APEX2: variants seen among roughly 807,000 people sequenced by gnomAD.
APEX2 encodes apurinic/apyrimidinic endodeoxyribonuclease 2, also known as DNA-(apurinic or apyrimidinic site) endonuclease 2.
In APEX2, 4 loss-of-function variants were observed where a neutral mutation model predicts 16.7. The ratio of observed to expected loss-of-function variants is 0.24; its 90% CI spans 0.12 to 0.55. The LOEUF is 0.55. Ranked by LOEUF, APEX2 falls within the 20% of genes least tolerant of loss-of-function variation. The pLI is 0.94. For missense variants in APEX2, 357 were observed against 433.6 expected (o/e 0.82, Z 1.57); for synonymous variants, 181 against 166.9 (o/e 1.08, Z -0.65).
In APEX2 at chrX:55,001,531, ATT is replaced by A. The variant is rs375803683; in HGVS notation, c.158-6_158-5del. ...AGTTTTACCTCTGACTTAATCTTAC[ATT>A]TTTTTTTTCCAGGGGATGCACTGAC... On this transcript the variant is annotated splice_polypyrimidine_tract_variant and intron_variant, in intron 1 of 5. Coordinates refer to ENST00000374987, the MANE Select transcript of APEX2 (RefSeq NM_014481.4). The A allele has an allele frequency of 9.5e-7, 1 of 1,054,314 alleles. No homozygotes were observed. The highest frequency in any genetic ancestry group is 1.3e-6 in the Non-Finnish European group (1 of 783,045). The allele number at this position is 1,054,314 out of a possible 1,213,427, so 86.9% of individuals were successfully genotyped here.
In APEX2 at chrX:55,006,642, A is replaced by G. The variant is rs1274198592; in HGVS notation, c.764A>G (p.Glu255Gly). The G allele has an allele frequency of 6.0e-6, 7 of 1,160,502 alleles. No individual in the cohort carries two copies. The African/African-American group carries it at 1.3e-4, about 21-fold the overall frequency. ...TACCGCTGCTTCCAACCAAAGCAGG[A>G]GGGGGCCTTCACCTGCTGGTCAGCA... is the stretch of plus-strand genomic sequence containing the variant. ...DSYRCFQPKQ[E>G]GAFTCWSAVT... Residue 255 changes from glutamate to glycine, a missense_variant, in exon 6 of 6, where the codon GAG becomes GGG. Transcript: ENST00000374987.
At chrX:55,006,356 C>T (rs1164951188) in intron 5 of APEX2, among the ~76,000 whole-genome samples, 162 bp from the exon 6 acceptor site, 1 of 111,669 alleles carries the variant, frequency 9.0e-6, no homozygotes, top group Non-Finnish European at 1.9e-5. Flanking sequence ...AAATCAGAAT[C>T]CCAGCTCTGC....
At chrX:55,000,690 C>A in intron 1 of APEX2, 111 bp downstream of exon 1, 1 of 910,460 alleles carries the variant, frequency 1.1e-6, no homozygotes, top group African/African-American at 2.0e-5. Flanking sequence ...GAGTCCTGTC[C>A]TTAGACCCAG....
In APEX2 at chrX:55,007,272, G is replaced by A. The variant is rs374342631; in HGVS notation, c.1394G>A (p.Arg465His). 166 of 1,210,641 alleles carry A rather than the reference G, an allele frequency of 1.4e-4. No homozygotes were observed. The highest frequency in any genetic ancestry group is 1.8e-4 in the Non-Finnish European group (158 of 895,292). Residue 465 changes from arginine to histidine, a missense_variant, in exon 6 of 6, where the codon CGC becomes CAC. Transcript: ENST00000374987. ...FWKSVLAGPL[R>H]TPLCGGHREP... is the part of the protein sequence containing the mutation. ...AAGTCTGTGCTGGCGGGGCCCTTGC[G>A]CACACCCCTCTGTGGGGGCCACAGG...
intron 2 of APEX2, among the ~76,000 whole-genome samples, chrX:55,001,905 C>T (rs1348489532): frequency 1.8e-5 from 2 of 108,940 alleles, no homozygotes; most frequent in African/African-American, 7.1e-5. Context: ...TGTGCACCCT[C>T]TGGCAAGTTA....
rs772380855 is a variant in APEX2 at position 55,007,744 on chromosome X, CATAA to C, written c.*315_*318del. The C allele has an allele frequency of 2.9e-4, 73 of 256,109 alleles. 2 individuals carry two copies. The highest frequency in any genetic ancestry group is 2.7e-4 in the Non-Finnish European group (39 of 144,573). 21.1% of individuals were successfully genotyped at this position (256,109 alleles called of 1,213,427 possible). ...GTCTTTGCTGGAAAGTGTATTTGTGCATAAATAAAGTCTGTGTATTTGTTTCAGG... is the reference window on the plus strand; with the variant it reads ...GTCTTTGCTGGAAAGTGTATTTGTGCATAAAGTCTGTGTATTTGTTTCAGG... On this transcript the variant is annotated 3_prime_UTR_variant, in exon 6 of 6. Coordinates refer to ENST00000374987, the MANE Select transcript of APEX2 (RefSeq NM_014481.4).
In APEX2 at chrX:55,002,383, G is replaced by A. The variant is rs754204508; in HGVS notation, c.374G>A (p.Arg125Gln). 12 of 1,208,223 alleles carry A rather than the reference G, an allele frequency of 9.9e-6. No individual in the cohort carries two copies. Among genetic ancestry groups the A allele is most frequent in the African/African-American group, 8.7e-5 (5 of 57,447 alleles). The change falls in exon 3 of 6, where the codon CGG (arginine) becomes CAG (glutamine). Residue 125 changes from arginine to glutamine, a missense_variant. By Grantham distance (43) the Arg-to-Gln change is conservative. Coordinates refer to ENST00000374987, the MANE Select transcript of APEX2 (RefSeq NM_014481.4). The stretch of plus-strand genomic sequence containing the variant: ...GATGAGTTTACCCAAGAGGAACTCC[G>A]GGCTCTGGATAGTGAGGGCAGGGCC... ...NMDEFTQEEL[R>Q]ALDSEGRALL...
At chrX:55,000,694 G>A (rs1257208674) in intron 1 of APEX2, 115 bp downstream of exon 1, 1 of 872,024 alleles carries the variant, frequency 1.1e-6, no homozygotes, top group Non-Finnish European at 1.5e-6. Flanking sequence ...CCTGTCCTTA[G>A]ACCCAGGTCC....
Position 55,007,737 on chromosome X carries a change from A to AT in APEX2, c.*305dup. ...CACTTCTGTCTTTGCTGGAAAGTGT[A>AT]TTTGTGCATAAATAAAGTCTGTGTA... On this transcript the variant is annotated 3_prime_UTR_variant, in exon 6 of 6. Transcript: ENST00000374987. 1 of 267,944 alleles carries AT rather than the reference A, an allele frequency of 3.7e-6. No individual in the cohort carries two copies. Among genetic ancestry groups the AT allele is most frequent in the Non-Finnish European group, 6.6e-6 (1 of 151,110 alleles). 22.1% of individuals were successfully genotyped at this position (267,944 alleles called of 1,213,427 possible).
rs1935463824 is a variant in APEX2, at chrX:55,003,031, G to T, written c.492G>T (p.Arg164Ser). 2.5e-6 allele frequency: 3 copies of T among 1,210,219 alleles called. No individual in the cohort carries two copies. The highest frequency in any genetic ancestry group is 3.4e-6 in the Non-Finnish European group (3 of 895,170). ...ACTGCCCCCATGCGGACCCTGGGAGGCCTGAGCGGCTAGTCTTTAAGATGC... is the reference window on the plus strand; with the variant it reads ...ACTGCCCCCATGCGGACCCTGGGAGTCCTGAGCGGCTAGTCTTTAAGATGC... ...NVYCPHADPG[R>S]PERLVFKMRF... is the part of the protein sequence containing the mutation. The change falls in exon 4 of 6, where the codon AGG (arginine) becomes AGT (serine). Residue 164 changes from arginine (R) to serine (S), a missense_variant. Transcript: ENST00000374987.
At chrX:55,006,287 C>A (rs998800781) in intron 5 of APEX2, among the ~76,000 whole-genome samples, 2 of 111,140 alleles carry the variant, frequency 1.8e-5, no homozygotes, top group African/African-American at 6.6e-5. Flanking sequence ...CAATGCAAGA[C>A]AAATGCAAGC....
chrX:55,007,845 C>T lies in APEX2; in HGVS notation c.*410C>T, dbSNP rs1023188385. On this transcript the variant is annotated 3_prime_UTR_variant, in exon 6 of 6. Transcript: ENST00000374987. Reference sequence around the variant, plus strand: ...GAAGCTATCTCAATACTTGGTTTGCCGGCTGGCTGTAGCCCAATGATGTAA... The same window carrying T: ...GAAGCTATCTCAATACTTGGTTTGCTGGCTGGCTGTAGCCCAATGATGTAA... 4.7e-5 allele frequency: 6 copies of T among 127,089 alleles called. No individual in the cohort carries two copies. The highest frequency in any genetic ancestry group is 8.9e-5 in the Admixed American group (1 of 11,214). 10.5% of individuals were successfully genotyped at this position (127,089 alleles called of 1,213,427 possible). A position where few individuals can be genotyped will look rare whatever the true frequency, so the allele number is the denominator to read the frequency against.
intron 3 of APEX2, 93 bp downstream of exon 3, chrX:55,002,524 C>G: frequency 9.9e-7 from 1 of 1,013,374 alleles, no homozygotes; most frequent in Non-Finnish European, 1.3e-6. Context: ...ATACATGCAC[C>G]GTGGAGAAGT....
chrX:55,005,376 A>G (rs1427220419), intron 5 of APEX2, among the ~76,000 whole-genome samples: 4 of 112,088 alleles, frequency 3.6e-5, no homozygotes, highest in African/African-American at 1.3e-4. Flanking sequence ...AAGAGAACTA[A>G]TAGTGCCAGC....
chrX:55,002,763 G>A (rs1935461111), intron 3 of APEX2, among the ~76,000 whole-genome samples, 199 bp from the exon 4 acceptor site: 1 of 111,870 alleles, frequency 8.9e-6, no homozygotes, highest in African/African-American at 3.3e-5. Context: ...CCATTACCTG[G>A]TGGTAATCCT....
chrX:55,001,557 A>G lies in APEX2; in HGVS notation c.169A>G (p.Thr57Ala). 8.3e-7 allele frequency: 1 copy of G among 1,203,923 alleles called. No homozygotes were observed. The highest frequency in any genetic ancestry group is 1.1e-6 in the Non-Finnish European group (1 of 891,427). The change falls in exon 2 of 6, where the codon ACA becomes GCA. Residue 57 changes from threonine (T) to alanine (A), a missense_variant. By Grantham distance (58) the Thr-to-Ala change is moderately conservative. Transcript: ENST00000374987. ...TTTTTTTTTTCCAGGGGATGCACTGACAGAGCCCCTGGCTATCGTTGAGGG... is the reference window on the plus strand; with the variant it reads ...TTTTTTTTTTCCAGGGGATGCACTGGCAGAGCCCCTGGCTATCGTTGAGGG... ...QETKVTRDALTEPLAIVEGYN... is the reference protein window; with the variant it reads ...QETKVTRDALAEPLAIVEGYN...
chrX:55,000,375 G>A lies in APEX2; in HGVS notation c.-48G>A. 1 of 1,098,469 alleles carries A rather than the reference G, an allele frequency of 9.1e-7. No individual in the cohort carries two copies. The highest frequency in any genetic ancestry group is 1.2e-6 in the Non-Finnish European group (1 of 839,345). The allele number at this position is 1,098,469 out of a possible 1,213,427, so 90.5% of individuals were successfully genotyped here. On this transcript the variant is annotated 5_prime_UTR_variant, in exon 1 of 6. Transcript: ENST00000374987. ...CCAACTTCTGAACAGGAAGCAGTTC[G>A]CTCGCGCCTAGGTTGGCGCGGGCTG... is the stretch of plus-strand genomic sequence containing the variant.
intron 5 of APEX2, among the ~76,000 whole-genome samples, chrX:55,005,227 C>T (rs186370218): frequency 8.9e-6 from 1 of 111,891 alleles, no homozygotes; most frequent in Non-Finnish European, 1.9e-5. Context: ...TCCCTCCCTG[C>T]CTCATTCCTC....
chrX:55,006,862 C>A lies in APEX2; in HGVS notation c.984C>A (p.Phe328Leu). The A allele has an allele frequency of 8.3e-7, 1 of 1,212,025 alleles. No homozygotes were observed. Among genetic ancestry groups the A allele is most frequent in the Non-Finnish European group, 1.1e-6 (1 of 895,563 alleles). The change falls in exon 6 of 6, where the codon TTC becomes TTA. Residue 328 changes from phenylalanine to leucine, a missense_variant. Coordinates refer to ENST00000374987, the MANE Select transcript of APEX2 (RefSeq NM_014481.4). Reference sequence around the variant, plus strand: ...AGTGCCCACCTCTGTGCACCCGCTTCCTCCCTGAGTTTGCAGGCACCCAGC... The same window carrying A: ...AGTGCCCACCTCTGTGCACCCGCTTACTCCCTGAGTTTGCAGGCACCCAGC... ...AKQCPPLCTR[F>L]LPEFAGTQLK...
Sources: allele counts gnomAD v4.1 joint callset (sites outside exome capture counted in the v4.1 genomes callset), GRCh38; gene constraint gnomAD v4.1.1; transcripts MANE v1.5; gene names NCBI Gene and HGNC (gene_info 2026-07-23, HGNC 2026-07-21).